The following CDH8 variants were observed in gnomAD, a reference collection of about 807,000 sequenced individuals.
CDH8 encodes the protein cadherin-8.
In CDH8, 17 loss-of-function variants were observed where a neutral mutation model predicts 68.1. The observed-to-expected ratio is 0.25, with a 90% confidence interval of 0.17 to 0.37. The LOEUF is 0.37. Among genes scored for constraint, CDH8 ranks in the 10% least tolerant of loss-of-function variants. CDH8 has a pLI of 1.00. For synonymous variants in CDH8, 372 were observed against 365.1 expected (o/e 1.02, Z -0.21); for missense variants, 763 against 999.3 (o/e 0.76, Z 3.19).
intron 2 of CDH8, chr16:61,937,792 C>A (rs930760496): frequency 6.6e-6 from 1 of 152,126 alleles, no homozygotes; most frequent in Non-Finnish European, 1.5e-5. Flanking sequence ...AAAAAACTTT[C>A]TCTGGGCAGT....
At chr16:61,983,898 A>T (rs1447087407) in intron 2 of CDH8, among the ~76,000 whole-genome samples, 1 of 124,358 alleles carries the variant, frequency 8.0e-6, no homozygotes, top group Non-Finnish European at 1.7e-5. Context: ...ATTTTATTTT[A>T]TTTTATTTTA....
chr16:61,970,998 C>G (rs1201393925), intron 2 of CDH8, among the ~76,000 whole-genome samples: 2 of 152,092 alleles, frequency 1.3e-5, no homozygotes, highest in East Asian at 1.9e-4. Flanking sequence ...TGTAATCTCC[C>G]CCATCCTTAA....
chr16:61,925,002 T>G (rs1964434593), intron 2 of CDH8, among the ~76,000 whole-genome samples: 3 of 152,198 alleles, frequency 2.0e-5, no homozygotes, highest in African/African-American at 7.2e-5. Context: ...GCATCCAGAT[T>G]ATTATTCAGT....
chr16:61,706,620 C>CAA (rs781148249), intron 10 of CDH8, among the ~76,000 whole-genome samples: 1,919 of 59,998 alleles, frequency 0.032, 185 homozygotes, highest in African/African-American at 0.12. Context: ...GACTCTGTCT[C>CAA]AAAAAAAAAA....
chr16:61,876,712 C>A (rs1278061330), intron 3 of CDH8, among the ~76,000 whole-genome samples: 5 of 151,846 alleles, frequency 3.3e-5, no homozygotes, highest in Admixed American at 1.3e-4. Flanking sequence ...AGTAATGATG[C>A]TCTCCTCATT....
intron 7 of CDH8, among the ~76,000 whole-genome samples, chr16:61,813,584 G>A (rs537321418): frequency 6.6e-6 from 1 of 152,204 alleles, no homozygotes; most frequent in Non-Finnish European, 1.5e-5. Flanking sequence ...CGGGCAGGGG[G>A]AGAAGCCTGG....
intron 8 of CDH8, among the ~76,000 whole-genome samples, chr16:61,752,232 C>T (rs1960186496): frequency 6.6e-6 from 1 of 152,072 alleles, no homozygotes; most frequent in South Asian, 2.1e-4. Flanking sequence ...ATGACAATAG[C>T]AAGGGATGCA....
At chr16:61,858,780 G>A (rs1201825023) in intron 3 of CDH8, among the ~76,000 whole-genome samples, 1 of 152,100 alleles carries the variant, frequency 6.6e-6, no homozygotes, top group Non-Finnish European at 1.5e-5. Flanking sequence ...TTGAGGAAAT[G>A]GGCCAAGCTT....
At chr16:62,019,815 CTAT>C (rs1391218411) in intron 2 of CDH8, among the ~76,000 whole-genome samples, 1 of 152,054 alleles carries the variant, frequency 6.6e-6, no homozygotes, top group Non-Finnish European at 1.5e-5. Flanking sequence ...TGAAGGGGGG[CTAT>C]TGTTTGAATC....
chr16:61,801,740 A>G (rs1202431085), intron 7 of CDH8, among the ~76,000 whole-genome samples: 2 of 152,224 alleles, frequency 1.3e-5, no homozygotes, highest in Non-Finnish European at 2.9e-5. Context: ...TCCCACCCGA[A>G]TATTGCCCTT....
chr16:61,761,710 T>C (rs773555714), intron 8 of CDH8, among the ~76,000 whole-genome samples: 3 of 152,090 alleles, frequency 2.0e-5, no homozygotes, highest in Admixed American at 6.6e-5. Flanking sequence ...ATTTTTATAA[T>C]GGCAAAATTA....
chr16:61,963,027 C>G (rs1965186331), intron 2 of CDH8, among the ~76,000 whole-genome samples: 1 of 152,046 alleles, frequency 6.6e-6, no homozygotes, highest in Non-Finnish European at 1.5e-5. Context: ...CACAGTTTAC[C>G]TTAAAATTTT....
At chr16:61,752,558 G>T (rs1024559552) in intron 8 of CDH8, among the ~76,000 whole-genome samples, 1 of 152,114 alleles carries the variant, frequency 6.6e-6, no homozygotes, top group African/African-American at 2.4e-5. Context: ...AACCACTCCT[G>T]ATACATCTCC....
chr16:61,752,568 C>T (rs907413586), intron 8 of CDH8, among the ~76,000 whole-genome samples: 1 of 152,150 alleles, frequency 6.6e-6, no homozygotes, highest in African/African-American at 2.4e-5. Flanking sequence ...GATACATCTC[C>T]ACCTCAGAAT....
At chr16:61,980,374 C>A (rs570542044) in intron 2 of CDH8, among the ~76,000 whole-genome samples, 2 of 152,134 alleles carry the variant, frequency 1.3e-5, no homozygotes, top group African/African-American at 4.8e-5. Flanking sequence ...GCTTACCAAG[C>A]GTGTAACTTT....
At chr16:61,795,305 C>G (rs985624694) in intron 7 of CDH8, among the ~76,000 whole-genome samples, 1 of 152,022 alleles carries the variant, frequency 6.6e-6, no homozygotes, top group Non-Finnish European at 1.5e-5. Flanking sequence ...AGTAGATCCT[C>G]AAGCCACTTT....
Position 62,036,249 on chromosome 16 carries a change from C to G in CDH8, c.-369G>C, listed in dbSNP as rs1329068369. ...GGAGCTACAGGGCTTGGTGCGGAGA[C>G]GCAGGGCGGGCGCGCTGGGCTCTGG... On this transcript the variant is annotated 5_prime_UTR_variant, in exon 1 of 12. Transcript: ENST00000577390. 2.6e-5 allele frequency: 4 copies of G among 152,478 alleles called. No individual in the cohort carries two copies. The highest frequency in any genetic ancestry group is 4.8e-5 in the African/African-American group (2 of 41,454). 9.4% of individuals were successfully genotyped at this position (152,478 alleles called of 1,614,324 possible). A position where few individuals can be genotyped will look rare whatever the true frequency, so the allele number is the denominator to read the frequency against.
intron 1 of CDH8, among the ~76,000 whole-genome samples, chr16:62,027,737 C>G (rs1902228221): frequency 6.6e-6 from 1 of 152,152 alleles, no homozygotes; most frequent in African/African-American, 2.4e-5. Flanking sequence ...TGGGGCTGAG[C>G]AGGTAGAAAA....
chr16:61,891,919 A>C (rs1339245197), intron 3 of CDH8, among the ~76,000 whole-genome samples: 1 of 152,196 alleles, frequency 6.6e-6, no homozygotes, highest in Non-Finnish European at 1.5e-5. Context: ...TTCTTTTAAA[A>C]TCTAGCCGAG....
Sources: gnomAD v4.1 joint callset for allele counts (sites outside exome capture counted in the v4.1 genomes callset) on GRCh38, gnomAD v4.1.1 for gene constraint, MANE v1.5 for transcripts, NCBI Gene and HGNC (gene_info 2026-07-23, HGNC 2026-07-21) for gene names.